Variants in LRATD1 observed in about 807,000 individuals in gnomAD.
LRATD1 encodes LRAT domain containing 1.
A neutral mutation model predicts 21.3 loss-of-function variants in LRATD1; 8 were observed. That is an observed-to-expected ratio of 0.38 (90% confidence interval 0.22 to 0.68). The LOEUF is 0.68. LRATD1 is among the 30% of genes least tolerant of loss of function. LRATD1 has a pLI of 0.54. For missense variants in LRATD1, 380 were observed against 404.0 expected, an observed-to-expected ratio of 0.94 and a Z score of 0.51; for synonymous variants, 210 against 186.2, an observed-to-expected ratio of 1.13 and a Z score of -1.04.
exon 5 of LRATD1, chr2:14,649,408 GT>G (rs1671963204): frequency 2.2e-6 from 1 of 455,766 alleles, no homozygotes; most frequent in Admixed American, 2.4e-5. Context: ...CTCGACCTGG[GT>G]GAATGTACTC....
In LRATD1 at chr2:14,635,583, C is replaced by A. The variant is rs1671670987; in HGVS notation, c.*725C>A. On this transcript the variant is annotated 3_prime_UTR_variant, in exon 2 of 2. Transcript: ENST00000295092. ...CCCCCACCCGCCTTTGCCTGCGAGT[C>A]TCCCTCGCTGGCAGAAGGGAAGCCG... 3 of 470,996 alleles carry A rather than the reference C, an allele frequency of 6.4e-6. No homozygotes were observed. The highest frequency in any genetic ancestry group is 1.3e-5 in the Non-Finnish European group (3 of 227,072). 29.2% of individuals were successfully genotyped at this position (470,996 alleles called of 1,614,324 possible).
rs1049920102 is a variant in LRATD1 at position 14,638,492 on chromosome 2, T to C, written c.*3634T>C. On this transcript the variant is annotated 3_prime_UTR_variant, in exon 2 of 2. Transcript: ENST00000295092. ...TGTGGTGAACACTTTTGTTAGAACA[T>C]GGCTTTTTTATTTTTCTTGGAAAAA... The C allele has an allele frequency of 6.0e-6, 1 of 166,994 alleles. No individual in the cohort carries two copies. Among genetic ancestry groups the C allele is most frequent in the Admixed American group, 6.5e-5 (1 of 15,282 alleles). The allele number at this position is 166,994 out of a possible 1,614,324, so 10.3% of individuals were successfully genotyped here. A position where few individuals can be genotyped will look rare whatever the true frequency, so the allele number is the denominator to read the frequency against.
downstream of LRATD1, among the ~76,000 whole-genome samples, chr2:14,640,609 T>G (rs117900218): frequency 3.3e-4 from 50 of 152,334 alleles, no homozygotes; most frequent in East Asian, 6.4e-3. Flanking sequence ...AATGTTCTAT[T>G]TGAGAGCTTC....
chr2:14,633,812 TG>T lies in LRATD1; in HGVS notation c.-36-130del. 1.1e-6 allele frequency: 1 copy of T among 908,332 alleles called. No homozygotes were observed. The highest frequency in any genetic ancestry group is 1.6e-6 in the Non-Finnish European group (1 of 609,730). The allele number at this position is 908,332 out of a possible 1,614,324, so 56.3% of individuals were successfully genotyped here. ...CCTGGGGAGGCACGGAGGACTCGGC[TG>T]GAAAGGGTGACTCCGGTGAGGGCAC... On this transcript the variant is annotated intron_variant, in intron 1 of 1. Coordinates refer to ENST00000295092, the MANE Select transcript of LRATD1 (RefSeq NM_145175.4). This position sits in a 1 kb window ranked among gnomAD's most constrained non-coding sequence, Gnocchi z 7.5.
chr2:14,637,354 A>G lies in LRATD1; in HGVS notation c.*2496A>G. The G allele has an allele frequency of 6.0e-6, 1 of 167,146 alleles. No homozygotes were observed. The allele number at this position is 167,146 out of a possible 1,614,324, so 10.4% of individuals were successfully genotyped here. On this transcript the variant is annotated 3_prime_UTR_variant, in exon 2 of 2. Coordinates refer to ENST00000295092, the MANE Select transcript of LRATD1 (RefSeq NM_145175.4). ...TAAGATTTATTTCCTCTGATGGTAC[A>G]TAGATTTCTCTCTCACTAAGAGGGT...
downstream of LRATD1, among the ~76,000 whole-genome samples, chr2:14,644,918 AAAT>A (rs1219368196): frequency 2.0e-5 from 3 of 152,196 alleles, no homozygotes; most frequent in Non-Finnish European, 2.9e-5. Context: ...TCCAAAGTAG[AAAT>A]AATAATTGAG....
downstream of LRATD1, among the ~76,000 whole-genome samples, chr2:14,641,336 G>A (rs148711282): frequency 2.0e-3 from 312 of 152,278 alleles, no homozygotes; most frequent in Non-Finnish European, 3.5e-3. Context: ...AGTTGGTTGT[G>A]TGTATGTGTA....
At chr2:14,642,713 CAG>C (rs1671827632), downstream of LRATD1, among the ~76,000 whole-genome samples, 1 of 152,122 alleles carries the variant, frequency 6.6e-6, no homozygotes, top group Non-Finnish European at 1.5e-5. Context: ...AGAAGAAAAA[CAG>C]CCTCCTTTGA....
At position 14,634,296 on chromosome 2, in the gene LRATD1, C is replaced by G; in HGVS notation, c.317C>G (p.Ala106Gly). Residue 106 changes from alanine (A) to glycine (G), a missense_variant, in exon 2 of 2, where the codon GCC (alanine) becomes GGC (glycine). By Grantham distance (60) the Ala-to-Gly change is moderately conservative. Coordinates refer to ENST00000295092, the MANE Select transcript of LRATD1 (RefSeq NM_145175.4). The part of the protein sequence containing the change: ...FSKVSGGPQG[A>G]DLSVYAVTAL... ...AAAGTGAGCGGTGGCCCTCAGGGCG[C>G]CGACCTAAGCGTCTACGCGGTCACC... 6.2e-7 allele frequency: 1 copy of G among 1,601,732 alleles called. No homozygotes were observed. Among genetic ancestry groups the G allele is most frequent in the Non-Finnish European group, 8.5e-7 (1 of 1,178,270 alleles).
At position 14,633,644 on chromosome 2, in the gene LRATD1, C is replaced by T; in HGVS notation, c.-36-300C>T. On this transcript the variant is annotated intron_variant, in intron 1 of 1. Transcript: ENST00000295092. The surrounding 1 kb of genome is among the most constrained non-coding windows in gnomAD (Gnocchi z 7.5). ...CCACACTGCCACAGCCAGCACTCTC[C>T]TCCCCACCGGGACCCCGCAAGCTCT... 3.1e-6 allele frequency: 1 copy of T among 323,370 alleles called. No homozygotes were observed. The highest frequency in any genetic ancestry group is 5.8e-6 in the Non-Finnish European group (1 of 172,958). 20.0% of individuals were successfully genotyped at this position (323,370 alleles called of 1,614,324 possible).
chr2:14,640,279 G>A (rs1671786808), downstream of LRATD1, among the ~76,000 whole-genome samples: 5 of 152,190 alleles, frequency 3.3e-5, no homozygotes, highest in South Asian at 1.0e-3. Flanking sequence ...AATTAGATTT[G>A]ATGGAGTTTG....
chr2:14,642,331 T>G (rs1464855439), downstream of LRATD1, among the ~76,000 whole-genome samples: 1 of 152,196 alleles, frequency 6.6e-6, no homozygotes, highest in Non-Finnish European at 1.5e-5. Context: ...ACATTTCTTC[T>G]TGAATGAACT....
downstream of LRATD1, chr2:14,650,238 A>G (rs1671984024): frequency 6.6e-6 from 1 of 152,142 alleles, no homozygotes; most frequent in Admixed American, 6.5e-5. Context: ...CAAAGCATCT[A>G]GTTGAACACT....
chr2:14,637,179 A>G lies in LRATD1; in HGVS notation c.*2321A>G, dbSNP rs1468219654. 6.0e-6 allele frequency: 1 copy of G among 167,012 alleles called. No homozygotes were observed. Among genetic ancestry groups the G allele is most frequent in the African/African-American group, 2.4e-5 (1 of 41,438 alleles). 10.3% of individuals were successfully genotyped at this position (167,012 alleles called of 1,614,324 possible). A position where few individuals can be genotyped will look rare whatever the true frequency, so the allele number is the denominator to read the frequency against. The stretch of plus-strand genomic sequence containing the variant: ...TCCACATTCTTTACTGTGTCCTACT[A>G]CTGTATCTTGGCTCCCTGCTGTATT... On this transcript the variant is annotated 3_prime_UTR_variant, in exon 2 of 2. Transcript: ENST00000295092.
chr2:14,642,951 G>A (rs528959730), downstream of LRATD1, among the ~76,000 whole-genome samples: 35 of 152,246 alleles, frequency 2.3e-4, no homozygotes, highest in Non-Finnish European at 4.6e-4. Context: ...ACATGGTTAA[G>A]GTTGCCTGTA....
downstream of LRATD1, among the ~76,000 whole-genome samples, chr2:14,651,246 C>G (rs1672000483): frequency 1.3e-5 from 2 of 151,912 alleles, no homozygotes; most frequent in African/African-American, 4.8e-5. Flanking sequence ...CTATTTACAT[C>G]ATAGATCCGT....
downstream of LRATD1, among the ~76,000 whole-genome samples, chr2:14,643,551 A>G (rs1671840562): frequency 6.6e-6 from 1 of 152,202 alleles, no homozygotes; most frequent in Non-Finnish European, 1.5e-5. Context: ...AAAGCCTAGT[A>G]GTTGTATGCC....
At chr2:14,641,000 G>A (rs1328840838), downstream of LRATD1, among the ~76,000 whole-genome samples, 2 of 152,124 alleles carry the variant, frequency 1.3e-5, no homozygotes, top group East Asian at 1.9e-4. Flanking sequence ...TAGGATTATA[G>A]TTTTAGGATA....
intron 4 of LRATD1, among the ~76,000 whole-genome samples, chr2:14,648,669 G>A (rs1279946288): frequency 6.6e-6 from 1 of 152,148 alleles, no homozygotes; most frequent in Non-Finnish European, 1.5e-5. Context: ...TTGTGAAAAT[G>A]GTTTTGAGCT....
Sources: gnomAD v4.1 joint callset for allele counts (sites outside exome capture counted in the v4.1 genomes callset) on GRCh38, gnomAD v4.1.1 for gene constraint, Gnocchi (gnomAD v3.1) non-coding constraint, MANE v1.5 for transcripts, NCBI Gene and HGNC (gene_info 2026-07-23, HGNC 2026-07-21) for gene names.